The following SDK1 variants were observed in gnomAD, a reference collection of about 807,000 sequenced individuals.
The protein encoded by SDK1 is sidekick cell adhesion molecule 1.
SDK1 carries 157 observed loss-of-function variants against 245.5 expected under a neutral mutation model. That is an observed-to-expected ratio of 0.64 (90% CI 0.56 to 0.73). The LOEUF is 0.73. Ranked by LOEUF, SDK1 falls within the 30% of genes least tolerant of loss-of-function variation. The probability of loss-of-function intolerance (pLI) is 0.00; values close to 1 mark genes in which losing one functional copy is unlikely to be tolerated. For synonymous variants in SDK1, 1,647 were observed against 1,278.5 expected (o/e 1.29, Z -6.15); for missense variants, 3,583 against 3,002.3 (o/e 1.19, Z -4.52).
intron 35 of SDK1, among the ~76,000 whole-genome samples, chr7:4,194,747 G>A (rs1292100611): frequency 6.6e-6 from 1 of 152,056 alleles, no homozygotes; most frequent in Non-Finnish European, 1.5e-5. Context: ...CCACATTAAG[G>A]GTGGGTCTGC....
At chr7:3,609,929 G>C (rs1409945498) in intron 1 of SDK1, among the ~76,000 whole-genome samples, 4 of 147,118 alleles carry the variant, frequency 2.7e-5, no homozygotes, top group Admixed American at 6.8e-5. Context: ...TCAAACTCCT[G>C]ACCTCAGGTG....
At chr7:4,006,891 A>AG (rs1785523651) in intron 14 of SDK1, among the ~76,000 whole-genome samples, 1 of 152,202 alleles carries the variant, frequency 6.6e-6, no homozygotes, top group Non-Finnish European at 1.5e-5. Context: ...AGGATCAGGC[A>AG]GGGCCAGGCT....
chr7:3,933,677 C>T (rs1429762328), intron 5 of SDK1, among the ~76,000 whole-genome samples: 1 of 152,084 alleles, frequency 6.6e-6, no homozygotes, highest in East Asian at 1.9e-4. Flanking sequence ...TTTGTATAAA[C>T]CTTTGCATTT....
At chr7:3,326,827 A>G (rs1779951805) in intron 1 of SDK1, among the ~76,000 whole-genome samples, 1 of 152,160 alleles carries the variant, frequency 6.6e-6, no homozygotes, top group Admixed American at 6.5e-5. Flanking sequence ...GTGAAGCAAG[A>G]GGCTTCTCAG....
At chr7:4,260,092 CTG>C (rs1454757352) in intron 44 of SDK1, among the ~76,000 whole-genome samples, 1 of 151,954 alleles carries the variant, frequency 6.6e-6, no homozygotes, top group African/African-American at 2.4e-5. Context: ...TCTGGGGTCT[CTG>C]TGTGTGTGGG....
chr7:4,194,327 C>CGTATGTGTATACAT (rs1783432775), intron 35 of SDK1, among the ~76,000 whole-genome samples: 6 of 110,570 alleles, frequency 5.4e-5, no homozygotes, highest in African/African-American at 2.2e-4. Flanking sequence ...TATGTATGCA[C>CGTATGTGTATACAT]GTATGTGTAT....
intron 4 of SDK1, among the ~76,000 whole-genome samples, chr7:3,816,451 G>A (rs537044858): frequency 1.0e-4 from 15 of 149,886 alleles, no homozygotes; most frequent in Admixed American, 9.3e-4. Flanking sequence ...ACTACCATCA[G>A]AGAATACTAC....
Position 4,105,285 on chromosome 7 carries a change from G to C in SDK1, c.3325-5378G>C, listed in dbSNP as rs564993322. ...GGTGTGAGCCACCGCGCCTGGCCAGGAGTTATATTTTTTGTTTTTTGTTTG... is the reference window on the plus strand; with the variant it reads ...GGTGTGAGCCACCGCGCCTGGCCAGCAGTTATATTTTTTGTTTTTTGTTTG... On this transcript the variant is annotated intron_variant, in intron 22 of 44. Coordinates refer to ENST00000404826, the MANE Select transcript of SDK1 (RefSeq NM_152744.4). 2.6e-5 allele frequency among the ~76,000 whole-genome samples: 4 copies of C among 151,652 alleles called. No individual in the cohort carries two copies. In the East Asian group the frequency reaches 7.8e-4, roughly 29 times the overall value.
At chr7:3,953,274 G>A (rs1780978638) in intron 7 of SDK1, among the ~76,000 whole-genome samples, 1 of 152,078 alleles carries the variant, frequency 6.6e-6, no homozygotes, top group Non-Finnish European at 1.5e-5. Context: ...TAATCATTAG[G>A]AAATGACTCC....
chr7:3,769,549 A>T (rs930759228), intron 4 of SDK1, among the ~76,000 whole-genome samples: 1 of 152,124 alleles, frequency 6.6e-6, no homozygotes, highest in Non-Finnish European at 1.5e-5. Context: ...ATACTATCAC[A>T]TTGGGTATTA....
chr7:3,729,939 CAT>C (rs1462899708), intron 4 of SDK1, among the ~76,000 whole-genome samples: 4 of 151,790 alleles, frequency 2.6e-5, no homozygotes, highest in African/African-American at 7.3e-5. Flanking sequence ...GATTTAGTAA[CAT>C]ATCTCGAGTA....
At chr7:3,874,844 C>A (rs1316585419) in intron 5 of SDK1, among the ~76,000 whole-genome samples, 1 of 152,118 alleles carries the variant, frequency 6.6e-6, no homozygotes, top group East Asian at 1.9e-4. Flanking sequence ...TTTTGTTCTT[C>A]CAGGAACATA....
In SDK1 at chr7:3,991,429, G is replaced by A. The variant is rs114120150; in HGVS notation, c.2131+4107G>A. ...TGCTGTTCTACATGCTTCCCTTTGC[G>A]CACCTGCGACGTAACTCCTGGCTTG... On this transcript the variant is annotated intron_variant, in intron 14 of 44. Transcript: ENST00000404826. Among the ~76,000 whole-genome samples the A allele has an allele frequency of 2.7e-3, 413 of 152,192 alleles. 1 individual carries two copies. Among genetic ancestry groups the A allele is most frequent in the African/African-American group, 9.4e-3 (391 of 41,528 alleles).
chr7:3,623,512 A>G (rs1782011189), intron 2 of SDK1, among the ~76,000 whole-genome samples: 1 of 152,056 alleles, frequency 6.6e-6, no homozygotes, highest in African/African-American at 2.4e-5. Flanking sequence ...AAGTGCTGGG[A>G]TTACAGGTGT....
chr7:3,465,206 T>C (rs1349515724), intron 1 of SDK1, among the ~76,000 whole-genome samples: 2 of 152,152 alleles, frequency 1.3e-5, no homozygotes, highest in African/African-American at 2.4e-5. Flanking sequence ...TTTTGACTTG[T>C]AGCATCTCTG....
chr7:3,904,579 C>T (rs539982168), intron 5 of SDK1, among the ~76,000 whole-genome samples: 8 of 152,222 alleles, frequency 5.3e-5, no homozygotes, highest in African/African-American at 1.9e-4. Flanking sequence ...CTTGTAGTCA[C>T]AGCTACTCAG....
At chr7:4,176,984 G>A (rs779445552) in intron 34 of SDK1, among the ~76,000 whole-genome samples, 1 of 152,178 alleles carries the variant, frequency 6.6e-6, no homozygotes, top group African/African-American at 2.4e-5. Flanking sequence ...TAATGTGATC[G>A]ACTTCAACAC....
intron 1 of SDK1, among the ~76,000 whole-genome samples, chr7:3,358,428 C>A (rs537054385): frequency 1.9e-5 from 2 of 104,302 alleles, no homozygotes; most frequent in African/African-American, 1.2e-4. Context: ...ATCATTACAA[C>A]GTTTTTTTTT....
At chr7:3,495,570 C>T (rs1477741208) in intron 1 of SDK1, among the ~76,000 whole-genome samples, 1 of 152,152 alleles carries the variant, frequency 6.6e-6, no homozygotes, top group Admixed American at 6.5e-5. Context: ...GAAAACTTGG[C>T]TCTGATGCTG....
Sources: allele counts gnomAD v4.1 joint callset (sites outside exome capture counted in the v4.1 genomes callset), GRCh38; gene constraint gnomAD v4.1.1; transcripts MANE v1.5; gene names NCBI Gene and HGNC (gene_info 2026-07-23, HGNC 2026-07-21).